ZC3H6: variants seen among roughly 807,000 people sequenced by gnomAD.
ZC3H6 encodes zinc finger CCCH domain-containing protein 6.
A neutral mutation model predicts 107.7 loss-of-function variants in ZC3H6; 40 were observed. That is an observed-to-expected ratio of 0.37 (90% CI 0.29 to 0.48). ZC3H6 has a LOEUF of 0.48. Among genes scored for constraint, ZC3H6 ranks in the 20% least tolerant of loss-of-function variants. The pLI is 0.98. For synonymous variants in ZC3H6, 493 were observed against 487.9 expected, an observed-to-expected ratio of 1.01 and a Z score of -0.14; for missense variants, 1,267 against 1,410.4, an observed-to-expected ratio of 0.90 and a Z score of 1.63.
Position 112,275,979 on chromosome 2 carries a change from C to T in ZC3H6, c.-16C>T. 1 of 1,534,658 alleles carries T rather than the reference C, an allele frequency of 6.5e-7. No individual in the cohort carries two copies. The highest frequency in any genetic ancestry group is 8.8e-7 in the Non-Finnish European group (1 of 1,140,472). On this transcript the variant is annotated 5_prime_UTR_variant, in exon 1 of 12. Transcript: ENST00000409871. ...CGCAGACCTGCCCTCCAGCCCCGCC[C>T]CGTTCTTGACCAAACATGACAGACT...
chr2:112,317,148 C>A, intron 6 of ZC3H6, 73 bp from the exon 7 acceptor site: 1 of 789,972 alleles, frequency 1.3e-6, no homozygotes, highest in Non-Finnish European at 1.9e-6. Flanking sequence ...GTAGAAAATT[C>A]AGCTGTTGTT....
At chr2:112,300,071 T>G in intron 2 of ZC3H6, 42 bp downstream of exon 2, 10 of 1,249,006 alleles carry the variant, frequency 8.0e-6, no homozygotes, top group Non-Finnish European at 1.0e-5. Context: ...TAAATGTTTA[T>G]GAAATATAAA....
Position 112,335,547 on chromosome 2 carries a change from G to A in ZC3H6, c.*3059G>A, listed in dbSNP as rs1174561487. ...TATCTAGTTGCTTATCTGTGAAATT[G>A]GGTTAATTTTTATTGATCACATTTG... On this transcript the variant is annotated 3_prime_UTR_variant, in exon 12 of 12. Transcript: ENST00000409871. 1 of 151,840 alleles carries A rather than the reference G, an allele frequency of 6.6e-6. No individual in the cohort carries two copies. Among genetic ancestry groups the A allele is most frequent in the Non-Finnish European group, 1.5e-5 (1 of 67,960 alleles). 9.4% of individuals were successfully genotyped at this position (151,840 alleles called of 1,614,324 possible).
chr2:112,302,785 T>C (rs1334804268), intron 2 of ZC3H6, among the ~76,000 whole-genome samples: 1 of 152,126 alleles, frequency 6.6e-6, no homozygotes, highest in African/African-American at 2.4e-5. Flanking sequence ...TGTAATGTTT[T>C]GGTATCTTTT....
Position 112,331,522 on chromosome 2 carries a change from A to T in ZC3H6, c.2604A>T (p.Leu868=). Residue 868 remains leucine, a synonymous_variant, in exon 12 of 12, where the codon CTA becomes CTT. Transcript: ENST00000409871. ...QFSHIKMDIT[L]TKPNFAKHIV... is the part of the protein sequence containing the mutation. ...GTCACATTAAAATGGACATTACTCTAACCAAACCCAACTTTGCAAAACACA... is the reference window on the plus strand; with the variant it reads ...GTCACATTAAAATGGACATTACTCTTACCAAACCCAACTTTGCAAAACACA... The T allele has an allele frequency of 6.2e-7, 1 of 1,613,990 alleles. No homozygotes were observed. The highest frequency in any genetic ancestry group is 8.5e-7 in the Non-Finnish European group (1 of 1,179,876).
chr2:112,294,233 G>A (rs1472560938), intron 1 of ZC3H6, among the ~76,000 whole-genome samples: 1 of 152,232 alleles, frequency 6.6e-6, no homozygotes, highest in African/African-American at 2.4e-5. Context: ...GAGTTTTCCA[G>A]GGCACGAGTA....
At chr2:112,299,827 A>G (rs1446414745) in intron 1 of ZC3H6, 22 bp from the exon 2 acceptor site, 1 of 1,358,682 alleles carries the variant, frequency 7.4e-7, no homozygotes, top group East Asian at 2.9e-5. Flanking sequence ...GATATTTGAA[A>G]ATTAAAATTT....
In ZC3H6 at chr2:112,331,474, A is replaced by G; in HGVS notation, c.2556A>G (p.Pro852=). Residue 852 remains proline (P), a synonymous_variant, in exon 12 of 12, where the codon CCA becomes CCG. Transcript: ENST00000409871. ...DASPGIMLQD[P]RSQLRQFSHI... ...CACCTGGCATAATGCTCCAGGATCC[A>G]AGGTCACAATTGAGACAGTTCAGTC... The G allele has an allele frequency of 6.2e-7, 1 of 1,614,030 alleles. No individual in the cohort carries two copies. Among genetic ancestry groups the G allele is most frequent in the South Asian group, 1.1e-5 (1 of 91,084 alleles).
intron 1 of ZC3H6, among the ~76,000 whole-genome samples, chr2:112,279,506 T>C (rs1266014385): frequency 6.6e-6 from 1 of 152,234 alleles, no homozygotes; most frequent in East Asian, 1.9e-4. Context: ...ATAGGTGATA[T>C]GGATAATACT....
In ZC3H6 at chr2:112,275,854, C is replaced by A; in HGVS notation, c.-141C>A. On this transcript the variant is annotated 5_prime_UTR_variant, in exon 1 of 12. Coordinates refer to ENST00000409871, the MANE Select transcript of ZC3H6 (RefSeq NM_198581.3). ...CTGTGTCTGTGTCGCTCACTAGTAACCGTGAGTTTTTACCACTTCGTCACC... is the reference window on the plus strand; with the variant it reads ...CTGTGTCTGTGTCGCTCACTAGTAAACGTGAGTTTTTACCACTTCGTCACC... The A allele has an allele frequency of 1.6e-6, 1 of 608,454 alleles. No individual in the cohort carries two copies. Among genetic ancestry groups the A allele is most frequent in the Non-Finnish European group, 2.8e-6 (1 of 352,660 alleles). 37.7% of individuals were successfully genotyped at this position (608,454 alleles called of 1,614,324 possible).
chr2:112,287,086 A>G (rs886750749), intron 1 of ZC3H6, among the ~76,000 whole-genome samples: 18 of 152,078 alleles, frequency 1.2e-4, no homozygotes, highest in African/African-American at 4.3e-4. Context: ...TTTCTAGAGA[A>G]CTGCTATATG....
chr2:112,291,832 C>T (rs1009910345), intron 1 of ZC3H6, among the ~76,000 whole-genome samples: 4 of 152,116 alleles, frequency 2.6e-5, no homozygotes, highest in African/African-American at 9.7e-5. Flanking sequence ...GATTCTCCTG[C>T]CTCACCTCCC....
chr2:112,329,278 A>G (rs181271396), intron 11 of ZC3H6, among the ~76,000 whole-genome samples: 77 of 152,260 alleles, frequency 5.1e-4, no homozygotes, highest in African/African-American at 1.8e-3. Flanking sequence ...CATTTAAGAA[A>G]GATTTTAAGT....
At position 112,331,228 on chromosome 2, in the gene ZC3H6, G is replaced by T. The variant is rs1288819246; in HGVS notation, c.2310G>T (p.Lys770Asn). Residue 770 changes from lysine (K) to asparagine (N), a missense_variant, in exon 12 of 12, where the codon AAG (lysine) becomes AAT (asparagine). Around this residue, in one of 3 missense-constraint regions of ZC3H6, gnomAD observed 925 missense variants for 1,025.7 expected, o/e 0.90. Coordinates refer to ENST00000409871, the MANE Select transcript of ZC3H6 (RefSeq NM_198581.3). Reference sequence around the variant, plus strand: ...CTATCCCAAGGCAAGACATTAGAAAGCCTTCTGAGTCTGCCCCACTGGATC... The same window carrying T: ...CTATCCCAAGGCAAGACATTAGAAATCCTTCTGAGTCTGCCCCACTGGATC... The part of the protein sequence containing the change: ...LRTIPRQDIR[K>N]PSESAPLDLR... The T allele has an allele frequency of 6.2e-7, 1 of 1,613,310 alleles. No individual in the cohort carries two copies. Among genetic ancestry groups the T allele is most frequent in the African/African-American group, 1.3e-5 (1 of 74,868 alleles).
chr2:112,296,319 C>A (rs1676230708), intron 1 of ZC3H6, among the ~76,000 whole-genome samples: 1 of 152,006 alleles, frequency 6.6e-6, no homozygotes, highest in Non-Finnish European at 1.5e-5. Context: ...TTCTTTCACT[C>A]CTCATTATGT....
intron 1 of ZC3H6, chr2:112,286,363 G>A (rs10177573): frequency 0.49 from 101,003 of 208,044 alleles, 27,114 homozygotes; most frequent in East Asian, 0.77. Context: ...AATATGTCCT[G>A]TTCGGCTGGG....
intron 3 of ZC3H6, 115 bp downstream of exon 3, chr2:112,303,466 A>AT: frequency 1.5e-6 from 1 of 672,716 alleles, no homozygotes; most frequent in Non-Finnish European, 2.4e-6. Context: ...TTGTTCAATC[A>AT]TCACCACTTA....
At chr2:112,286,960 T>C (rs1686621197) in intron 1 of ZC3H6, among the ~76,000 whole-genome samples, 1 of 152,136 alleles carries the variant, frequency 6.6e-6, no homozygotes, top group Non-Finnish European at 1.5e-5. Context: ...TTACAGTTAA[T>C]CTAGTAGCAG....
chr2:112,288,857 T>C (rs1041413242), intron 1 of ZC3H6, among the ~76,000 whole-genome samples: 1 of 152,138 alleles, frequency 6.6e-6, no homozygotes, highest in Non-Finnish European at 1.5e-5. Context: ...TAGGTAGAAA[T>C]TGCTGTTAGG....
Sources: gnomAD v4.1 joint callset for allele counts (sites outside exome capture counted in the v4.1 genomes callset) on GRCh38, gnomAD v4.1.1 for gene constraint, gnomAD v4.1.1 regional missense constraint, MANE v1.5 for transcripts, NCBI Gene and HGNC (gene_info 2026-07-23, HGNC 2026-07-21) for gene names.